ARFGAP2: variants seen among roughly 807,000 people sequenced by gnomAD.
ARFGAP2 encodes the protein ADP-ribosylation factor GTPase-activating protein 2.
A neutral mutation model predicts 71.9 loss-of-function variants in ARFGAP2; 45 were observed. That is an observed-to-expected ratio of 0.63 (90% CI 0.49 to 0.80). ARFGAP2 has a LOEUF of 0.80. Among genes scored for constraint, ARFGAP2 ranks in the 30% least tolerant of loss-of-function variants. The pLI is 0.00. For synonymous variants in ARFGAP2, 248 were observed against 249.2 expected, an observed-to-expected ratio of 1.00 and a Z score of 0.05; for missense variants, 633 against 673.9, an observed-to-expected ratio of 0.94 and a Z score of 0.67.
chr11:47,168,167 C>T lies in ARFGAP2; in HGVS notation c.1026G>A (p.Leu342=). The T allele has an allele frequency of 6.2e-7, 1 of 1,614,236 alleles. No individual in the cohort carries two copies. The highest frequency in any genetic ancestry group is 1.7e-5 in the Admixed American group (1 of 60,028). ...AAGTACCAACATCGTCAAACAAGTCCAGCTGCGAGCGAGAGGATTTTGCAC... is the reference window on the plus strand; with the variant it reads ...AAGTACCAACATCGTCAAACAAGTCTAGCTGCGAGCGAGAGGATTTTGCAC... ...PVSAKSSRSQ[L]DLFDDVGTFA... is the part of the protein sequence containing the mutation. The change falls in exon 11 of 16, where the codon CTG becomes CTA. Residue 342 remains leucine (L), a synonymous_variant. Transcript: ENST00000524782.
intron 10 of ARFGAP2, 54 bp downstream of exon 10, chr11:47,171,372 A>G: frequency 6.2e-7 from 1 of 1,606,076 alleles, no homozygotes; most frequent in South Asian, 1.1e-5. Context: ...AGGCCCCGCA[A>G]TGGTTCCCAG....
chr11:47,175,136 G>C (rs373306270), intron 4 of ARFGAP2, 38 bp from the exon 5 acceptor site: 61 of 1,614,032 alleles, frequency 3.8e-5, no homozygotes, highest in Non-Finnish European at 5.1e-5. Context: ...ACAGGGCTCT[G>C]AATACTCCTA....
intron 5 of ARFGAP2, chr11:47,174,086 G>A (rs1952699923): frequency 6.5e-6 from 4 of 610,832 alleles, no homozygotes; most frequent in Admixed American, 3.0e-5. Flanking sequence ...CTTAAAGACA[G>A]TTAACTACCA....
At chr11:47,166,637 G>A (rs1952391354) in intron 13 of ARFGAP2, 38 bp from the exon 14 acceptor site, 1 of 1,606,642 alleles carries the variant, frequency 6.2e-7, no homozygotes, top group Non-Finnish European at 8.5e-7. Flanking sequence ...GGATCTTGGG[G>A]CTGATGACCC....
intron 10 of ARFGAP2, among the ~76,000 whole-genome samples, chr11:47,169,109 C>A (rs777212150): frequency 1.5e-4 from 23 of 150,858 alleles, no homozygotes; most frequent in Non-Finnish European, 3.1e-4. Flanking sequence ...GTCAGGAGAT[C>A]GAGACCATCC....
At chr11:47,168,997 T>G (rs1952495900) in intron 10 of ARFGAP2, among the ~76,000 whole-genome samples, 1 of 151,284 alleles carries the variant, frequency 6.6e-6, no homozygotes, top group African/African-American at 2.4e-5. Flanking sequence ...AAGAATGAGT[T>G]CTTCATCATC....
At position 47,166,857 on chromosome 11, in the gene ARFGAP2, C is replaced by T. The variant is rs750445776; in HGVS notation, c.1235G>A (p.Arg412Gln). Residue 412 changes from arginine to glutamine, a missense_variant, in exon 13 of 16, where the codon CGG (arginine) becomes CAG (glutamine). Coordinates refer to ENST00000524782, the MANE Select transcript of ARFGAP2 (RefSeq NM_032389.6). ...RATNRREVESRSSGLESSEAR... is the reference protein window; with the variant it reads ...RATNRREVESQSSGLESSEAR... ...CTCACTAGACTCGAGGCCTGAGCTC[C>T]GGCTCTCCACTTCCCTCCGGTTTGT... The T allele has an allele frequency of 7.4e-5, 120 of 1,613,870 alleles. No homozygotes were observed. Among genetic ancestry groups the T allele is most frequent in the Non-Finnish European group, 9.3e-5 (110 of 1,179,998 alleles).
chr11:47,171,888 GA>G (rs1357082750), intron 8 of ARFGAP2, 88 bp from the exon 9 acceptor site: 30 of 1,532,408 alleles, frequency 2.0e-5, no homozygotes, highest in African/African-American at 4.2e-5. Flanking sequence ...CACCCACAAG[GA>G]AAAGGCCCTT....
chr11:47,176,720 C>T (rs1462998225), intron 1 of ARFGAP2, 62 bp downstream of exon 1: 1 of 1,611,848 alleles, frequency 6.2e-7, no homozygotes, highest in Non-Finnish European at 8.5e-7. Context: ...CCCACCTCCG[C>T]CCTTCTCCCT....
rs1372679300 is a variant in ARFGAP2 at position 47,166,605 on chromosome 11, G to T, written c.1333-6C>A. ...AGCCGAGACCTGGCCTCATACTGTG[G>T]TGAGGAAAAGGCCAGGCCTGGGGAT... On this transcript the variant is annotated splice_polypyrimidine_tract_variant and splice_region_variant and intron_variant, in intron 13 of 15. Transcript: ENST00000524782. The T allele has an allele frequency of 3.7e-6, 6 of 1,611,424 alleles. No homozygotes were observed. The highest frequency in any genetic ancestry group is 4.2e-6 in the Non-Finnish European group (5 of 1,179,880).
intron 4 of ARFGAP2, 31 bp from the exon 5 acceptor site, chr11:47,175,129 G>A (rs1379429849): frequency 1.9e-6 from 3 of 1,614,120 alleles, no homozygotes; most frequent in Non-Finnish European, 1.7e-6. Context: ...CTAAAACACA[G>A]GGCTCTGAAT....
At position 47,176,091 on chromosome 11, in the gene ARFGAP2, G is replaced by A. The variant is rs78563058; in HGVS notation, c.192-168C>T. 8.2e-3 allele frequency: 5,357 copies of A among 652,292 alleles called. 44 individuals are homozygous for A. Among genetic ancestry groups the A allele is most frequent in the Non-Finnish European group, 0.012 (4,385 of 370,400 alleles). The allele number at this position is 652,292 out of a possible 1,614,324, so 40.4% of individuals were successfully genotyped here. A position where few individuals can be genotyped will look rare whatever the true frequency, so the allele number is the denominator to read the frequency against. ...CCTGTCCATGAAAACTCTCCTCTTCGTTCATTTACTCCAAAGAGTACTAAT... is the reference window on the plus strand; with the variant it reads ...CCTGTCCATGAAAACTCTCCTCTTCATTCATTTACTCCAAAGAGTACTAAT... On this transcript the variant is annotated intron_variant, in intron 2 of 15. Transcript: ENST00000524782.
intron 6 of ARFGAP2, 71 bp from the exon 7 acceptor site, chr11:47,173,553 G>A: frequency 6.7e-7 from 1 of 1,490,324 alleles, no homozygotes; most frequent in Non-Finnish European, 9.0e-7. Context: ...AAGAAGTGAT[G>A]GGACAAGAAT....
In ARFGAP2 at chr11:47,166,767, T is replaced by A; in HGVS notation, c.1325A>T (p.Asp442Val). ...SSDMFFGREV[D>V]AEYEARSRLQ... ...GCAGACAGCCCCACTTACCTCTGCA[T>A]CCACCTCCCGCCCAAAGAACATGTC... The change falls in exon 13 of 16, where the codon GAT (aspartate) becomes GTT (valine). Residue 442 changes from aspartate to valine, a missense_variant. Physicochemically the swap from Asp to Val is radical, Grantham distance 152. Coordinates refer to ENST00000524782, the MANE Select transcript of ARFGAP2 (RefSeq NM_032389.6). 6 of 1,613,392 alleles carry A rather than the reference T, an allele frequency of 3.7e-6. No homozygotes were observed. Among genetic ancestry groups the A allele is most frequent in the Non-Finnish European group, 5.1e-6 (6 of 1,179,640 alleles).
In ARFGAP2 at chr11:47,165,354, CCA is replaced by C. The variant is rs1363840729; in HGVS notation, c.*126_*127del. 4.6e-5 allele frequency: 59 copies of C among 1,282,540 alleles called. No homozygotes were observed. Among genetic ancestry groups the C allele is most frequent in the South Asian group, 6.2e-5 (4 of 64,434 alleles). The allele number at this position is 1,282,540 out of a possible 1,614,324, so 79.4% of individuals were successfully genotyped here. ...AGGAGTGAGCGCCTCAAAGGCCACCCCACACACACACCACACATACGAAGTAA... is the reference window on the plus strand; with the variant it reads ...AGGAGTGAGCGCCTCAAAGGCCACCCCACACACACCACACATACGAAGTAA... On this transcript the variant is annotated 3_prime_UTR_variant, in exon 16 of 16. Coordinates refer to ENST00000524782, the MANE Select transcript of ARFGAP2 (RefSeq NM_032389.6).
chr11:47,171,529 C>T lies in ARFGAP2; in HGVS notation c.838G>A (p.Glu280Lys). 1 of 1,614,224 alleles carries T rather than the reference C, an allele frequency of 6.2e-7. No individual in the cohort carries two copies. The highest frequency in any genetic ancestry group is 8.5e-7 in the Non-Finnish European group (1 of 1,180,036). ...TCTTTCTTACGATCAATCTGGAGCT[C>T]CTGGTAGGCCAGACGCATGGAGGCG... ...MVASMRLAYQ[E>K]LQIDRKKEEK... The change falls in exon 10 of 16, where the codon GAG (glutamate) becomes AAG (lysine). Residue 280 changes from glutamate (E) to lysine (K), a missense_variant. Physicochemically the swap from Glu to Lys is moderately conservative, Grantham distance 56. Transcript: ENST00000524782.
chr11:47,174,975 T>C (rs1319551415), intron 5 of ARFGAP2, 40 bp downstream of exon 5: 10 of 1,607,774 alleles, frequency 6.2e-6, no homozygotes, highest in Non-Finnish European at 8.5e-6. Flanking sequence ...AAATTGCCTG[T>C]CAAGAACAAC....
chr11:47,175,478 C>CA (rs1952769887), intron 3 of ARFGAP2, 165 bp from the exon 4 acceptor site: 8 of 1,091,924 alleles, frequency 7.3e-6, no homozygotes, highest in Non-Finnish European at 9.4e-6. Flanking sequence ...GAAATTCCTG[C>CA]AAAAAACACC....
chr11:47,173,309 T>G (rs749365101), intron 7 of ARFGAP2, 117 bp downstream of exon 7: 5 of 1,182,120 alleles, frequency 4.2e-6, no homozygotes, highest in Non-Finnish European at 6.1e-6. Flanking sequence ...GAGAATCAGA[T>G]AGATGCTCAG....
Sources: gnomAD v4.1 joint callset for allele counts (sites outside exome capture counted in the v4.1 genomes callset) on GRCh38, gnomAD v4.1.1 for gene constraint, MANE v1.5 for transcripts, NCBI Gene and HGNC (gene_info 2026-07-23, HGNC 2026-07-21) for gene names.